Variants in NXPH1 observed in about 807,000 individuals in gnomAD.
The protein encoded by NXPH1 is neurexophilin 1.
A neutral mutation model predicts 23.7 loss-of-function variants in NXPH1; 5 were observed. The ratio of observed to expected loss-of-function variants is 0.21; its 90% CI spans 0.11 to 0.44. NXPH1 has a LOEUF of 0.44. Ranked by LOEUF, NXPH1 falls within the 20% of genes least tolerant of loss-of-function variation. The pLI is 0.99. For missense variants in NXPH1, 324 were observed against 321.6 expected (o/e 1.01, Z -0.06); for synonymous variants, 144 against 122.2 (o/e 1.18, Z -1.18).
intron 2 of NXPH1, among the ~76,000 whole-genome samples, chr7:8,687,035 T>G (rs1821157472): frequency 6.6e-6 from 1 of 152,156 alleles, no homozygotes; most frequent in South Asian, 2.1e-4. Context: ...TAATGTAGTT[T>G]GGCAAGTGCT....
chr7:8,488,734 A>T (rs913352912), intron 2 of NXPH1, among the ~76,000 whole-genome samples: 1 of 152,154 alleles, frequency 6.6e-6, no homozygotes, highest in African/African-American at 2.4e-5. Context: ...TTGAGTTTCT[A>T]CATCTGTAAA....
chr7:8,737,879 A>G (rs1009646862), intron 2 of NXPH1, among the ~76,000 whole-genome samples: 1 of 152,134 alleles, frequency 6.6e-6, no homozygotes, highest in Non-Finnish European at 1.5e-5. Flanking sequence ...TATTTCATTA[A>G]GTTGATCTTC....
Position 8,475,187 on chromosome 7 carries a change from C to G in NXPH1, c.54+39420C>G, listed in dbSNP as rs150431227. On this transcript the variant is annotated intron_variant, in intron 2 of 2. Transcript: ENST00000405863. ...ACCCCTAAACTTCAGTTGTTTAACT[C>G]TTGTGTAAAGAGATCAAGGGTGTGA... Among the ~76,000 whole-genome samples the G allele has an allele frequency of 1.0e-3, 158 of 152,144 alleles. 4 individuals carry two copies. In the East Asian group the frequency reaches 0.029, roughly 28 times the overall value.
chr7:8,466,422 A>G (rs1040653913), intron 2 of NXPH1, among the ~76,000 whole-genome samples: 1 of 152,186 alleles, frequency 6.6e-6, no homozygotes, highest in African/African-American at 2.4e-5. Flanking sequence ...AAAATGAAGG[A>G]ACAGATTAGG....
Position 8,751,210 on chromosome 7 carries a change from A to G in NXPH1, c.257A>G (p.Asp86Gly), listed in dbSNP as rs1280587290. The G allele has an allele frequency of 2.5e-6, 4 of 1,613,778 alleles. No individual in the cohort carries two copies. Among genetic ancestry groups the G allele is most frequent in the Non-Finnish European group, 3.4e-6 (4 of 1,179,774 alleles). Residue 86 changes from aspartate (D) to glycine (G), a missense_variant, in exon 3 of 3, where the codon GAC becomes GGC. By Grantham distance (94) the Asp-to-Gly change is moderately conservative. Transcript: ENST00000405863. This position sits in a 1 kb window ranked among gnomAD's most constrained non-coding sequence, Gnocchi z 4.5. ...YDTPEPYSEQ[D>G]LWDWLRNSTD... ...ACCCCAGAACCTTATTCTGAGCAAG[A>G]CCTCTGGGACTGGCTGAGGAACTCC...
intron 2 of NXPH1, among the ~76,000 whole-genome samples, chr7:8,498,005 T>G (rs992598439): frequency 1.3e-5 from 2 of 152,130 alleles, no homozygotes; most frequent in East Asian, 1.9e-4. Context: ...TTAACCTGTT[T>G]CCTTATAGCA....
chr7:8,557,661 T>C (rs1562401520), intron 2 of NXPH1, among the ~76,000 whole-genome samples: 1 of 151,652 alleles, frequency 6.6e-6, no homozygotes, highest in African/African-American at 2.4e-5. Flanking sequence ...TTTTGAGTAT[T>C]GTACAGAACT....
At chr7:8,662,810 G>A (rs1820698606) in intron 2 of NXPH1, among the ~76,000 whole-genome samples, 1 of 152,030 alleles carries the variant, frequency 6.6e-6, no homozygotes, top group South Asian at 2.1e-4. Flanking sequence ...TGTGATATTT[G>A]TGCAGCTACT....
At chr7:8,485,123 G>A (rs1273253555) in intron 2 of NXPH1, among the ~76,000 whole-genome samples, 1 of 152,162 alleles carries the variant, frequency 6.6e-6, no homozygotes, top group African/African-American at 2.4e-5. Flanking sequence ...CCCGGTGCAA[G>A]GCAATTCAAT....
chr7:8,678,579 A>G (rs1820992293), intron 2 of NXPH1, among the ~76,000 whole-genome samples: 1 of 151,964 alleles, frequency 6.6e-6, no homozygotes, highest in Non-Finnish European at 1.5e-5. Context: ...GTTCAGGGGC[A>G]CCCATCCTCT....
chr7:8,601,673 G>A (rs770973310), intron 2 of NXPH1, among the ~76,000 whole-genome samples: 3 of 152,194 alleles, frequency 2.0e-5, no homozygotes, highest in South Asian at 4.1e-4. Flanking sequence ...AATAGATCAT[G>A]TCAGGACCCA....
At chr7:8,539,871 C>A (rs982508406) in intron 2 of NXPH1, among the ~76,000 whole-genome samples, 1 of 151,714 alleles carries the variant, frequency 6.6e-6, no homozygotes, top group African/African-American at 2.4e-5. Context: ...ACTCTTGGAA[C>A]CCAACAAGGA....
intron 2 of NXPH1, among the ~76,000 whole-genome samples, chr7:8,748,652 C>A (rs763073854): frequency 6.6e-6 from 1 of 152,186 alleles, no homozygotes; most frequent in Non-Finnish European, 1.5e-5. Context: ...TTGCTATTGC[C>A]TTGGGGATCA....
Position 8,435,673 on chromosome 7 carries a change from C to G in NXPH1, c.-41C>G. 1 of 1,598,270 alleles carries G rather than the reference C, an allele frequency of 6.3e-7. No homozygotes were observed. Among genetic ancestry groups the G allele is most frequent in the Non-Finnish European group, 8.6e-7 (1 of 1,165,680 alleles). On this transcript the variant is annotated 5_prime_UTR_variant, in exon 2 of 3. Transcript: ENST00000405863. The surrounding 1 kb of genome is among the most constrained non-coding windows in gnomAD (Gnocchi z 5.9). ...ATCTATGTTTCTGAAGGAACAAAGA[C>G]TCAAAGAAGGCACCGCCAAGGAAGT...
rs565013523 is a variant in NXPH1, at chr7:8,635,211, G to T, written c.55-115797G>T. Among the ~76,000 whole-genome samples the T allele has an allele frequency of 1.6e-4, 24 of 152,250 alleles. 1 individual carries two copies. The South Asian group carries it at 4.8e-3, about 30-fold the overall frequency. Reference sequence around the variant, plus strand: ...GAGGTAAGCTTGGAGCCCAAGTACTGTGCATAATTCTTCAAAGGTTATGAG... The same window carrying T: ...GAGGTAAGCTTGGAGCCCAAGTACTTTGCATAATTCTTCAAAGGTTATGAG... On this transcript the variant is annotated intron_variant, in intron 2 of 2. Coordinates refer to ENST00000405863, the MANE Select transcript of NXPH1 (RefSeq NM_152745.3).
intron 2 of NXPH1, among the ~76,000 whole-genome samples, chr7:8,719,682 C>A (rs1315879970): frequency 6.6e-6 from 1 of 152,188 alleles, no homozygotes; most frequent in Non-Finnish European, 1.5e-5. Flanking sequence ...TGTCAGCCTG[C>A]AGCCTGGCTC....
At chr7:8,527,812 A>C (rs1193982773) in intron 2 of NXPH1, among the ~76,000 whole-genome samples, 3 of 152,224 alleles carry the variant, frequency 2.0e-5, no homozygotes, top group Non-Finnish European at 4.4e-5. Flanking sequence ...TCAACATGGC[A>C]AAAGGACACC....
At chr7:8,636,497 ACTTT>A (rs1820220627) in intron 2 of NXPH1, among the ~76,000 whole-genome samples, 1 of 152,196 alleles carries the variant, frequency 6.6e-6, no homozygotes, top group South Asian at 2.1e-4. Flanking sequence ...TGCCTTTAAA[ACTTT>A]CTGTGAGAAC....
At chr7:8,531,619 C>G (rs1817951282) in intron 2 of NXPH1, among the ~76,000 whole-genome samples, 4 of 152,148 alleles carry the variant, frequency 2.6e-5, no homozygotes. Context: ...ACTTCCCCCA[C>G]TGGAATGTGA....
Sources: allele counts gnomAD v4.1 joint callset (sites outside exome capture counted in the v4.1 genomes callset), GRCh38; gene constraint gnomAD v4.1.1; non-coding constraint Gnocchi (gnomAD v3.1); transcripts MANE v1.5; gene names NCBI Gene and HGNC (gene_info 2026-07-23, HGNC 2026-07-21).